DENND1B: variants seen among roughly 807,000 people sequenced by gnomAD.
The protein encoded by DENND1B is DENN domain containing 1B, also known as DENN domain-containing protein 1B.
In DENND1B, 59 loss-of-function variants were observed where a neutral mutation model predicts 90.1. That is an observed-to-expected ratio of 0.65 (90% CI 0.53 to 0.81). The LOEUF (loss-of-function observed/expected upper bound fraction) is 0.81. Ranked by LOEUF, DENND1B falls within the 40% of genes least tolerant of loss-of-function variation. The pLI is 0.00. For synonymous variants in DENND1B, 337 were observed against 324.6 expected, an observed-to-expected ratio of 1.04 and a Z score of -0.41; for missense variants, 862 against 912.6, an observed-to-expected ratio of 0.94 and a Z score of 0.71.
In DENND1B at chr1:197,647,070, C is replaced by T; in HGVS notation, c.492G>A (p.Gln164=). The stretch of plus-strand genomic sequence containing the variant: ...TTTAACTCACCGGTACTAGAGCAGG[C>T]TGATCTTTCAGAACTTGCTCACAGG... ...FIACEQVLKD[Q]PALVPHSYFI... The change falls in exon 8 of 23, where the codon CAG becomes CAA. Residue 164 remains glutamine, a synonymous_variant. Coordinates refer to ENST00000620048, the MANE Select transcript of DENND1B (RefSeq NM_001195215.2). 3 of 1,465,398 alleles carry T rather than the reference C, an allele frequency of 2.0e-6. No homozygotes were observed. Among genetic ancestry groups the T allele is most frequent in the South Asian group, 1.5e-5 (1 of 68,230 alleles). 90.8% of individuals were successfully genotyped at this position (1,465,398 alleles called of 1,614,324 possible).
intron 15 of DENND1B, among the ~76,000 whole-genome samples, chr1:197,573,535 G>A (rs1193460642): frequency 1.3e-5 from 2 of 152,104 alleles, no homozygotes; most frequent in Non-Finnish European, 2.9e-5. Context: ...AAAGAGAGCT[G>A]GCACCATTCC....
At position 197,581,926 on chromosome 1, in the gene DENND1B, G is replaced by C. The variant is rs76720945; in HGVS notation, c.1149+1226C>G. Among the ~76,000 whole-genome samples, 6 of 152,254 alleles carry C rather than the reference G, an allele frequency of 3.9e-5. No individual in the cohort carries two copies. In the East Asian group the frequency reaches 1.2e-3, roughly 29 times the overall value. ...AGCATGCACTGCATGACTAGCTTAG[G>C]ACTGTACTGTGCTATACTTCAGCAT... On this transcript the variant is annotated intron_variant, in intron 15 of 22. Coordinates refer to ENST00000620048, the MANE Select transcript of DENND1B (RefSeq NM_001195215.2).
chr1:197,552,954 A>G (rs758908411), intron 16 of DENND1B, 68 bp downstream of exon 16: 3 of 1,544,656 alleles, frequency 1.9e-6, no homozygotes, highest in Non-Finnish European at 2.6e-6. Context: ...GTTTTATCAG[A>G]CACAAGTGCA....
At chr1:197,749,887 G>A (rs187834022) in intron 2 of DENND1B, among the ~76,000 whole-genome samples, 84 of 151,956 alleles carry the variant, frequency 5.5e-4, no homozygotes, top group Non-Finnish European at 1.1e-3. Flanking sequence ...TTGCTCTGTC[G>A]CCCAGGCTGG....
chr1:197,747,143 G>A lies in DENND1B; in HGVS notation c.82+25725C>T, dbSNP rs116486109. ...TTCCTCAATTTATCTTTTCTGGAGC[G>A]TTTTCTTTTTTTCCCTCTGAATCTT... On this transcript the variant is annotated intron_variant, in intron 2 of 22. Coordinates refer to ENST00000620048, the MANE Select transcript of DENND1B (RefSeq NM_001195215.2). 659 of 767,160 alleles carry A rather than the reference G, an allele frequency of 8.6e-4. 3 individuals are homozygous for A. The African/African-American group carries it at 0.01, about 12-fold the overall frequency. 47.5% of individuals were successfully genotyped at this position (767,160 alleles called of 1,614,324 possible). A position where few individuals can be genotyped will look rare whatever the true frequency, so the allele number is the denominator to read the frequency against.
intron 3 of DENND1B, among the ~76,000 whole-genome samples, chr1:197,699,145 C>T (rs926560994): frequency 9.9e-5 from 15 of 152,018 alleles, no homozygotes; most frequent in African/African-American, 3.6e-4. Context: ...CCAATGAACA[C>T]CAATGCGAAA....
intron 15 of DENND1B, among the ~76,000 whole-genome samples, chr1:197,573,990 C>T (rs891529392): frequency 3.9e-5 from 6 of 152,144 alleles, no homozygotes; most frequent in African/African-American, 1.2e-4. Context: ...CAGCCAATAT[C>T]GTACTGAATG....
At position 197,617,745 on chromosome 1, in the gene DENND1B, G is replaced by C; in HGVS notation, c.687C>G (p.Ile229Met). The C allele has an allele frequency of 1.2e-6, 2 of 1,606,886 alleles. No homozygotes were observed. The highest frequency in any genetic ancestry group is 1.1e-5 in the South Asian group (1 of 90,888). ...GGTATAGAAGAGCAGCTGATCCATG[G>C]ATACAGGCAGTTAACTGAAATTTGT... The part of the protein sequence containing the change: ...SSKLSTLTAC[I>M]HGSAALLYPM... Residue 229 changes from isoleucine to methionine, a missense_variant, in exon 11 of 23, where the codon ATC becomes ATG. Transcript: ENST00000620048.
intron 20 of DENND1B, among the ~76,000 whole-genome samples, chr1:197,539,220 C>T (rs959066763): frequency 6.6e-6 from 1 of 152,150 alleles, no homozygotes; most frequent in Non-Finnish European, 1.5e-5. Flanking sequence ...AGTGTTGTGA[C>T]CATTCTAGCT....
chr1:197,664,215 T>C lies in DENND1B; in HGVS notation c.297-5846A>G, dbSNP rs539012872. 9.2e-5 allele frequency among the ~76,000 whole-genome samples: 14 copies of C among 151,992 alleles called. No individual in the cohort carries two copies. In the South Asian group the frequency reaches 2.7e-3, roughly 29 times the overall value. ...AAATGTTTTTCACTAAATTTTACAG[T>C]CCCAAAGACAGTCAAAGTCTGTATT... is the stretch of plus-strand genomic sequence containing the variant. On this transcript the variant is annotated intron_variant, in intron 5 of 22. Coordinates refer to ENST00000620048, the MANE Select transcript of DENND1B (RefSeq NM_001195215.2).
chr1:197,646,951 C>A, intron 8 of DENND1B, 104 bp downstream of exon 8: 1 of 778,856 alleles, frequency 1.3e-6, no homozygotes. Flanking sequence ...GTCAAATTCA[C>A]CATTTCCCAA....
intron 7 of DENND1B, among the ~76,000 whole-genome samples, chr1:197,651,645 CTTTTTTT>C (rs34012616): frequency 4.9e-5 from 3 of 61,562 alleles, no homozygotes; most frequent in East Asian, 5.2e-4. Context: ...ATCAATGCTT[CTTTTTTT>C]TTTTTTTTTT....
At chr1:197,652,805 G>C (rs1317767973) in intron 6 of DENND1B, among the ~76,000 whole-genome samples, 2 of 151,900 alleles carry the variant, frequency 1.3e-5, no homozygotes, top group African/African-American at 2.4e-5. Context: ...TTTCTACATT[G>C]CTACTGGTCA....
upstream of DENND1B, among the ~76,000 whole-genome samples, chr1:197,779,123 A>G (rs961125251): frequency 2.0e-5 from 3 of 152,212 alleles, no homozygotes; most frequent in Non-Finnish European, 4.4e-5. Flanking sequence ...CCTTCTGCCT[A>G]AAATTCTTTC....
chr1:197,587,045 A>G (rs1674762462), intron 14 of DENND1B, among the ~76,000 whole-genome samples: 1 of 152,210 alleles, frequency 6.6e-6, no homozygotes, highest in Non-Finnish European at 1.5e-5. Flanking sequence ...AGTATCTACT[A>G]CAGATGTCTG....
At chr1:197,774,265 T>G (rs1656987778) in intron 1 of DENND1B, among the ~76,000 whole-genome samples, 1 of 152,234 alleles carries the variant, frequency 6.6e-6, no homozygotes, top group South Asian at 2.1e-4. Context: ...AAAAGTTAAA[T>G]ATTGACTCAG....
chr1:197,566,198 G>A (rs1210288812), intron 15 of DENND1B, among the ~76,000 whole-genome samples: 4 of 152,106 alleles, frequency 2.6e-5, no homozygotes, highest in Non-Finnish European at 5.9e-5. Context: ...GGTGTGAGAT[G>A]GTATCTCATT....
chr1:197,512,823 T>C, intron 21 of DENND1B, 48 bp downstream of exon 21: 1 of 1,560,924 alleles, frequency 6.4e-7, no homozygotes, highest in Non-Finnish European at 8.8e-7. Flanking sequence ...CAAAAACTTC[T>C]GCTGTTAAGC....
At chr1:197,725,312 T>C (rs917614017) in intron 2 of DENND1B, among the ~76,000 whole-genome samples, 2 of 152,132 alleles carry the variant, frequency 1.3e-5, no homozygotes, top group Admixed American at 1.3e-4. Context: ...TGGAATAATA[T>C]ACTCTACAAC....
Sources: allele counts gnomAD v4.1 joint callset (sites outside exome capture counted in the v4.1 genomes callset), GRCh38; gene constraint gnomAD v4.1.1; transcripts MANE v1.5; gene names NCBI Gene and HGNC (gene_info 2026-07-23, HGNC 2026-07-21).